The following BLTP3B variants were observed in gnomAD, a reference collection of about 807,000 sequenced individuals.
The protein encoded by BLTP3B is bridge-like lipid transfer protein family member 3B, also known as UHRF1 (ICBP90) binding protein 1-like.
chr12:100,130,982 G>GGAGGGA, the BLTP3B span, among the ~76,000 whole-genome samples: 12 of 62,224 alleles, frequency 1.9e-4, no homozygotes, highest in Admixed American at 1.9e-4. Flanking sequence ...AGAGAGGGAG[G>GGAGGGA]GAGAGAGAGA....
the BLTP3B span, among the ~76,000 whole-genome samples, chr12:100,113,055 C>A: frequency 2.6e-5 from 4 of 151,876 alleles, no homozygotes; most frequent in Admixed American, 6.6e-5. Context: ...TCTGTAGTCC[C>A]AGCTACCCAT....
At chr12:100,097,011 T>A in the BLTP3B span, among the ~76,000 whole-genome samples, 166 of 151,994 alleles carry the variant, frequency 1.1e-3, 6 homozygotes, top group South Asian at 0.029. Context: ...GCCTGGGAGG[T>A]CAAGGTTTCA....
At chr12:100,124,258 A>G in the BLTP3B span, among the ~76,000 whole-genome samples, 1 of 152,010 alleles carries the variant, frequency 6.6e-6, no homozygotes, top group African/African-American at 2.4e-5. Flanking sequence ...CCAGTCTGGG[A>G]GAGAGAGTGA....
chr12:100,047,391 G>A, the BLTP3B span: 11 of 557,064 alleles, frequency 2.0e-5, no homozygotes, highest in Middle Eastern at 3.6e-4. Flanking sequence ...CCAGCTACTC[G>A]GGAGGTTTAG....
At chr12:100,142,486 G>C in the BLTP3B span, 1 of 1,270,484 alleles carries the variant, frequency 7.9e-7, no homozygotes. Context: ...TCCGAAGGTC[G>C]CCTCCCGCAC....
At chr12:100,110,139 C>T in the BLTP3B span, among the ~76,000 whole-genome samples, 1 of 152,120 alleles carries the variant, frequency 6.6e-6, no homozygotes, top group Non-Finnish European at 1.5e-5. Flanking sequence ...AAGAGTTAGT[C>T]TTTACTTTTT....
At chr12:100,100,114 C>T in the BLTP3B span, among the ~76,000 whole-genome samples, 2 of 151,742 alleles carry the variant, frequency 1.3e-5, no homozygotes, top group African/African-American at 2.4e-5. Flanking sequence ...ACCAGCCTGA[C>T]CAACAAGGAG....
At chr12:100,102,204 G>C in the BLTP3B span, among the ~76,000 whole-genome samples, 3 of 151,612 alleles carry the variant, frequency 2.0e-5, no homozygotes, top group Non-Finnish European at 4.4e-5. Flanking sequence ...CCGCCTCCCG[G>C]GTTCAAGCAA....
the BLTP3B span, among the ~76,000 whole-genome samples, chr12:100,099,570 G>C: frequency 6.6e-6 from 1 of 150,484 alleles, no homozygotes; most frequent in African/African-American, 2.4e-5. Flanking sequence ...AACACAGACA[G>C]ATCTCGTATC....
the BLTP3B span, among the ~76,000 whole-genome samples, chr12:100,075,168 C>T: frequency 1.3e-5 from 2 of 152,128 alleles, no homozygotes; most frequent in African/African-American, 2.4e-5. Flanking sequence ...CGCACCACCA[C>T]GCCCAGCTAA....
At chr12:100,142,508 G>C in the BLTP3B span, 945 of 1,477,720 alleles carry the variant, frequency 6.4e-4, 7 homozygotes, top group African/African-American at 0.012. Flanking sequence ...GCCGCCAGGC[G>C]CCGCCGCCCC....
At chr12:100,093,377 T>TCAATGCCTC in the BLTP3B span, among the ~76,000 whole-genome samples, 1 of 152,052 alleles carries the variant, frequency 6.6e-6, no homozygotes, top group Non-Finnish European at 1.5e-5. Flanking sequence ...CTCGATTCTT[T>TCAATGCCTC]CGAGTTACCT....
chr12:100,043,171 A>G, the BLTP3B span, among the ~76,000 whole-genome samples: 1 of 152,190 alleles, frequency 6.6e-6, no homozygotes, highest in Admixed American at 6.5e-5. Context: ...TGACTTTCAT[A>G]TGCACTGGTA....
chr12:100,095,961 G>A, the BLTP3B span: 3 of 978,048 alleles, frequency 3.1e-6, no homozygotes, highest in East Asian at 8.7e-5. Context: ...CACACAAGAA[G>A]TATTTACTGG....
the BLTP3B span, chr12:100,084,521 G>A: frequency 1.9e-6 from 3 of 1,613,822 alleles, no homozygotes; most frequent in Non-Finnish European, 2.5e-6. Flanking sequence ...GATTTAGGAG[G>A]TGAACCTACA....
the BLTP3B span, among the ~76,000 whole-genome samples, chr12:100,040,844 A>G: frequency 6.6e-6 from 1 of 152,248 alleles, no homozygotes; most frequent in Non-Finnish European, 1.5e-5. Flanking sequence ...CTACCCACAA[A>G]GAAAAGCCCA....
the BLTP3B span, among the ~76,000 whole-genome samples, chr12:100,062,872 G>C: frequency 6.6e-5 from 10 of 151,944 alleles, no homozygotes; most frequent in African/African-American, 2.4e-4. Flanking sequence ...GAGGTGGGAA[G>C]GTCACTTGAG....
the BLTP3B span, among the ~76,000 whole-genome samples, chr12:100,134,466 A>G: frequency 6.6e-6 from 1 of 152,030 alleles, no homozygotes; most frequent in Non-Finnish European, 1.5e-5. Flanking sequence ...TGTAAAAAAA[A>G]ATTAGCCAAA....
the BLTP3B span, among the ~76,000 whole-genome samples, chr12:100,123,835 A>C: frequency 6.6e-6 from 1 of 152,118 alleles, no homozygotes; most frequent in African/African-American, 2.4e-5. Context: ...ATGAAAAAAA[A>C]TCAATCTCAT....
Sources: gnomAD v4.1 joint callset for allele counts (sites outside exome capture counted in the v4.1 genomes callset) on GRCh38, gnomAD v4.1.1 for gene constraint, MANE v1.5 for transcripts, NCBI Gene and HGNC (gene_info 2026-07-23, HGNC 2026-07-21) for gene names.